UBE2O: variants seen among roughly 807,000 people sequenced by gnomAD.
UBE2O encodes ubiquitin conjugating enzyme E2 O, also known as (E3-independent) E2 ubiquitin-conjugating enzyme.
Under a neutral mutation model 125.8 loss-of-function variants are expected in UBE2O, and 15 were observed. That is an observed-to-expected ratio of 0.12 (90% confidence interval 0.08 to 0.18). The LOEUF (loss-of-function observed/expected upper bound fraction) is 0.18, where lower values mean the gene tolerates loss of function less well. UBE2O is among the 10% of genes least tolerant of loss of function. The probability of loss-of-function intolerance (pLI) is 1.00; values close to 1 mark genes in which losing one functional copy is unlikely to be tolerated. For missense variants in UBE2O, 1,280 were observed against 1,723.6 expected, an observed-to-expected ratio of 0.74 and a Z score of 4.56; for synonymous variants, 708 against 703.2, an observed-to-expected ratio of 1.01 and a Z score of -0.11.
At chr17:76,424,168 A>T (rs2072761982) in intron 1 of UBE2O, among the ~76,000 whole-genome samples, 1 of 149,912 alleles carries the variant, frequency 6.7e-6, no homozygotes, top group Admixed American at 6.7e-5. Flanking sequence ...TCGGCCTCCC[A>T]AAGTGCTGGG....
rs1164519448 is a variant in UBE2O, at chr17:76,390,816, G to A, written c.*127C>T. ...GCACTTCAGCATCAAACTCACCTTGGGGAGAAGAGGGCAGTGGGTTTGCAG... is the reference window on the plus strand; with the variant it reads ...GCACTTCAGCATCAAACTCACCTTGAGGAGAAGAGGGCAGTGGGTTTGCAG... On this transcript the variant is annotated 3_prime_UTR_variant, in exon 18 of 18. Transcript: ENST00000319380. 3 of 927,264 alleles carry A rather than the reference G, an allele frequency of 3.2e-6. No individual in the cohort carries two copies. Among genetic ancestry groups the A allele is most frequent in the Non-Finnish European group, 4.8e-6 (3 of 625,270 alleles). The allele number at this position is 927,264 out of a possible 1,614,324, so 57.4% of individuals were successfully genotyped here.
At chr17:76,406,691 TG>T (rs2072425281) in intron 1 of UBE2O, among the ~76,000 whole-genome samples, 2 of 132,180 alleles carry the variant, frequency 1.5e-5, no homozygotes, top group African/African-American at 3.1e-5. Context: ...GAGCCCAAGT[TG>T]TTTTTTTTTT....
chr17:76,451,777 GGGGTGTGTGT>G (rs1237844961), intron 1 of UBE2O, among the ~76,000 whole-genome samples: 11 of 111,810 alleles, frequency 9.8e-5, no homozygotes, highest in African/African-American at 3.0e-4. Context: ...GAGATACAGG[GGGGTGTGTGT>G]GTGTGTGTGT....
rs764459575 is a variant in UBE2O at position 76,402,645 on chromosome 17, C to T, written c.643G>A (p.Asp215Asn). 74 of 1,613,990 alleles carry T rather than the reference C, an allele frequency of 4.6e-5. No homozygotes were observed. The highest frequency in any genetic ancestry group is 5.8e-5 in the Non-Finnish European group (68 of 1,180,010). The change falls in exon 4 of 18, where the codon GAC (aspartate) becomes AAC (asparagine). Residue 215 changes from aspartate (D) to asparagine (N), a missense_variant. Physicochemically the swap from Asp to Asn is conservative, Grantham distance 23. Coordinates refer to ENST00000319380, the MANE Select transcript of UBE2O (RefSeq NM_022066.4). The surrounding 1 kb of genome is among the most constrained non-coding windows in gnomAD (Gnocchi z 5.4). ...AYDCWLGKVY[D>N]LKNQIILKLS... The stretch of plus-strand genomic sequence containing the variant: ...TTCAGGATGATCTGGTTCTTCAAGT[C>T]GTAGACCTTCCCCAGCCAGCAGTCA...
intron 1 of UBE2O, among the ~76,000 whole-genome samples, chr17:76,444,528 G>A (rs2073124825): frequency 6.6e-6 from 1 of 152,216 alleles, no homozygotes; most frequent in African/African-American, 2.4e-5. Flanking sequence ...CAGAGCATAA[G>A]GCTGATGGAT....
rs754978362 is a variant in UBE2O at position 76,400,206 on chromosome 17, TCTTGGCTGGCTCTAC to T, written c.1081_1095del (p.Val361_Lys365del). 6.2e-7 allele frequency: 1 copy of T among 1,613,978 alleles called. No homozygotes were observed. Among genetic ancestry groups the T allele is most frequent in the Non-Finnish European group, 8.5e-7 (1 of 1,179,972 alleles). On this transcript the variant is annotated inframe_deletion, in exon 8 of 18. Coordinates refer to ENST00000319380, the MANE Select transcript of UBE2O (RefSeq NM_022066.4). The surrounding 1 kb of genome is among the most constrained non-coding windows in gnomAD (Gnocchi z 4.3). ...TTTTTTTCTGGACATTCCCAGGCAA[TCTTGGCTGGCTCTAC>T]CTTGGCTGGGAAGACATACAGACAG...
At chr17:76,437,012 G>A (rs1011271678) in intron 1 of UBE2O, among the ~76,000 whole-genome samples, 1 of 152,112 alleles carries the variant, frequency 6.6e-6, no homozygotes, top group Non-Finnish European at 1.5e-5. Flanking sequence ...TAGCTGGCAT[G>A]GTGGTGGGCA....
At position 76,396,007 on chromosome 17, in the gene UBE2O, G is replaced by T; in HGVS notation, c.2809+121C>A. On this transcript the variant is annotated intron_variant, in intron 14 of 17. Transcript: ENST00000319380. This position sits in a 1 kb window ranked among gnomAD's most constrained non-coding sequence, Gnocchi z 6.7. ...CTGTGACCACACAGGGAAATGGTTTGCCCTGGGGCAGTAGCTGGGGTCTGG... is the reference window on the plus strand; with the variant it reads ...CTGTGACCACACAGGGAAATGGTTTTCCCTGGGGCAGTAGCTGGGGTCTGG... 6.8e-7 allele frequency: 1 copy of T among 1,480,604 alleles called. No homozygotes were observed. Among genetic ancestry groups the T allele is most frequent in the Non-Finnish European group, 9.2e-7 (1 of 1,084,162 alleles). The allele number at this position is 1,480,604 out of a possible 1,614,324, so 91.7% of individuals were successfully genotyped here.
At position 76,452,980 on chromosome 17, in the gene UBE2O, G is replaced by A. The variant is rs568228756; in HGVS notation, c.162C>T (p.Ala54=). The A allele has an allele frequency of 6.7e-7, 1 of 1,493,734 alleles. No homozygotes were observed. The highest frequency in any genetic ancestry group is 8.9e-7 in the Non-Finnish European group (1 of 1,121,704). The allele number at this position is 1,493,734 out of a possible 1,614,324, so 92.5% of individuals were successfully genotyped here. Residue 54 remains alanine (A), a synonymous_variant, in exon 1 of 18, where the codon GCC becomes GCT. Transcript: ENST00000319380. This position sits in a 1 kb window ranked among gnomAD's most constrained non-coding sequence, Gnocchi z 4.4. ...GAGAAAACAGCAGGCGCTGCGAGCC[G>A]GCTTCTGGGCCGGAGTCCGAGGACG... ...SGPSSDSGPE[A]GSQRLLFSHD...
At position 76,410,746 on chromosome 17, in the gene UBE2O, G is replaced by GC. The variant is rs1202813903; in HGVS notation, c.418-5175dup. ...CAGGAGCCGGGGAAGCTCACCGGGG[G>GC]CCTCTCCTGCCAGGAGCACTCTCCC... On this transcript the variant is annotated intron_variant, in intron 1 of 17. Coordinates refer to ENST00000319380, the MANE Select transcript of UBE2O (RefSeq NM_022066.4). The surrounding 1 kb of genome is among the most constrained non-coding windows in gnomAD (Gnocchi z 4.0). Among the ~76,000 whole-genome samples the GC allele has an allele frequency of 9.3e-6, 1 of 107,300 alleles. No individual in the cohort carries two copies. The highest frequency in any genetic ancestry group is 3.8e-5 in the African/African-American group (1 of 26,430). The allele number at this position is 107,300 out of a possible 152,430, so 70.4% of individuals were successfully genotyped here. A position where few individuals can be genotyped will look rare whatever the true frequency, so the allele number is the denominator to read the frequency against.
chr17:76,439,122 G>A (rs187546031), intron 1 of UBE2O, among the ~76,000 whole-genome samples: 6 of 152,316 alleles, frequency 3.9e-5, no homozygotes, highest in Admixed American at 6.5e-5. Flanking sequence ...GGCAGCTGAC[G>A]GCGTGGTTTG....
intron 1 of UBE2O, among the ~76,000 whole-genome samples, chr17:76,450,916 G>A (rs1276077249): frequency 3.9e-5 from 6 of 152,142 alleles, no homozygotes; most frequent in Non-Finnish European, 7.3e-5. Context: ...TACCACACCC[G>A]GCCGTTGTTT....
At chr17:76,445,368 C>T (rs2143911477) in intron 1 of UBE2O, among the ~76,000 whole-genome samples, 1 of 152,202 alleles carries the variant, frequency 6.6e-6, no homozygotes, top group African/African-American at 2.4e-5. Context: ...TTTGACTTAG[C>T]TGCAGAATAT....
chr17:76,423,896 CTTTTTTTT>C (rs746126675), intron 1 of UBE2O, among the ~76,000 whole-genome samples: 5 of 83,470 alleles, frequency 6.0e-5, no homozygotes, highest in Non-Finnish European at 8.3e-5. Context: ...AGGTTGGGTT[CTTTTTTTT>C]TTTTTTTTTT....
At chr17:76,412,388 A>AC (rs1243365647) in intron 1 of UBE2O, among the ~76,000 whole-genome samples, 1 of 151,758 alleles carries the variant, frequency 6.6e-6, no homozygotes, top group African/African-American at 2.4e-5. Context: ...CCACTCCTCC[A>AC]CCCCCTCCCT....
chr17:76,422,480 C>T (rs1275650735), intron 1 of UBE2O, among the ~76,000 whole-genome samples: 3 of 152,214 alleles, frequency 2.0e-5, no homozygotes, highest in Non-Finnish European at 4.4e-5. Context: ...ATTCAGCAAA[C>T]TGAATAACCA....
At chr17:76,406,938 T>C (rs1331948976) in intron 1 of UBE2O, among the ~76,000 whole-genome samples, 1 of 152,110 alleles carries the variant, frequency 6.6e-6, no homozygotes, top group Non-Finnish European at 1.5e-5. Flanking sequence ...GACCTCGTGA[T>C]CTGCCCACCT....
chr17:76,415,919 A>G (rs1042140711), intron 1 of UBE2O, among the ~76,000 whole-genome samples: 4 of 132,706 alleles, frequency 3.0e-5, no homozygotes, highest in African/African-American at 9.9e-5. Context: ...ATACACATGC[A>G]CATACACGTA....
intron 1 of UBE2O, among the ~76,000 whole-genome samples, chr17:76,415,573 G>A (rs1159568141): frequency 6.6e-6 from 1 of 152,228 alleles, no homozygotes; most frequent in East Asian, 1.9e-4. Context: ...GAGAGGGCAA[G>A]GCGGTTGGAT....
Sources: allele counts gnomAD v4.1 joint callset (sites outside exome capture counted in the v4.1 genomes callset), GRCh38; gene constraint gnomAD v4.1.1; non-coding constraint Gnocchi (gnomAD v3.1); transcripts MANE v1.5; gene names NCBI Gene and HGNC (gene_info 2026-07-23, HGNC 2026-07-21).